The following VDR variants were observed in gnomAD, a reference collection of about 807,000 sequenced individuals.
The protein encoded by VDR is vitamin D receptor, also known as vitamin D3 receptor.
In VDR, 19 loss-of-function variants were observed where a neutral mutation model predicts 39.7. That is an observed-to-expected ratio of 0.48 (90% CI 0.33 to 0.70). The LOEUF is 0.70. Among genes scored for constraint, VDR ranks in the 30% least tolerant of loss-of-function variants. VDR has a pLI of 0.02. For synonymous variants in VDR, 242 were observed against 215.8 expected (o/e 1.12, Z -1.07); for missense variants, 442 against 570.5 (o/e 0.77, Z 2.29).
chr12:47,881,831 G>A (rs778346112), intron 2 of VDR, among the ~76,000 whole-genome samples: 2 of 152,116 alleles, frequency 1.3e-5, no homozygotes, highest in African/African-American at 4.8e-5. Flanking sequence ...CCAGCATCCC[G>A]GAGGCCCAAT....
At chr12:47,876,953 T>TG (rs1565626244) in intron 3 of VDR, among the ~76,000 whole-genome samples, 1 of 152,194 alleles carries the variant, frequency 6.6e-6, no homozygotes, top group Non-Finnish European at 1.5e-5. Flanking sequence ...AGAGTGGATT[T>TG]GGGGGTAGAG....
At chr12:47,871,458 CTT>C (rs1238348020) in intron 3 of VDR, among the ~76,000 whole-genome samples, 1 of 131,916 alleles carries the variant, frequency 7.6e-6, no homozygotes, top group Non-Finnish European at 1.6e-5. Flanking sequence ...TCTTTTCTCT[CTT>C]TCTTTCTTTT....
At position 47,857,753 on chromosome 12, in the gene VDR, C is replaced by T. The variant is rs540639036; in HGVS notation, c.278-65G>A. The T allele has an allele frequency of 2.3e-5, 36 of 1,571,276 alleles. No individual in the cohort carries two copies. The African/African-American group carries it at 3.0e-4, about 13-fold the overall frequency. ...GCTCCTCCAGGAAACCTTCCTCCTG[C>T]GGTTGGGGGTAAAGGTCCAAGATAG... is the stretch of plus-strand genomic sequence containing the variant. On this transcript the variant is annotated intron_variant, in intron 4 of 9. Coordinates refer to ENST00000549336, the MANE Select transcript of VDR (RefSeq NM_000376.3).
chr12:47,904,380 T>TCCTCTGAA (rs1946627102), intron 1 of VDR, among the ~76,000 whole-genome samples: 1 of 149,172 alleles, frequency 6.7e-6, no homozygotes, highest in Admixed American at 6.7e-5. Context: ...GCCCCTGAGT[T>TCCTCTGAA]CCTCTGAACA....
intron 7 of VDR, among the ~76,000 whole-genome samples, chr12:47,849,738 T>C (rs1375653872): frequency 1.3e-5 from 2 of 152,216 alleles, no homozygotes; most frequent in Non-Finnish European, 2.9e-5. Context: ...AAGTAAAACA[T>C]ACTCATTATC....
chr12:47,866,398 G>T (rs374616435), intron 3 of VDR, among the ~76,000 whole-genome samples: 1 of 152,202 alleles, frequency 6.6e-6, no homozygotes, highest in African/African-American at 2.4e-5. Flanking sequence ...CCTGGCCGAA[G>T]AAACCTTTTT....
At chr12:47,855,596 ACT>A (rs1404299743) in intron 7 of VDR, 32 bp downstream of exon 7, 6 of 1,612,518 alleles carry the variant, frequency 3.7e-6, no homozygotes, top group South Asian at 1.1e-5. Flanking sequence ...TAGGACTCTG[ACT>A]CTGTTCCCCA....
intron 3 of VDR, among the ~76,000 whole-genome samples, chr12:47,878,597 T>G (rs1172263249): frequency 1.3e-5 from 2 of 152,208 alleles, no homozygotes; most frequent in African/African-American, 4.8e-5. Flanking sequence ...TCTTGGGCTT[T>G]CCCCAAAGAC....
intron 7 of VDR, among the ~76,000 whole-genome samples, chr12:47,851,213 A>G (rs1004312976): frequency 3.3e-5 from 5 of 152,096 alleles, no homozygotes; most frequent in African/African-American, 1.2e-4. Flanking sequence ...CTTGTCAGTG[A>G]AGCCTGGGGG....
intron 1 of VDR, among the ~76,000 whole-genome samples, chr12:47,885,422 G>T (rs1274193028): frequency 6.6e-6 from 1 of 152,252 alleles, no homozygotes; most frequent in African/African-American, 2.4e-5. Context: ...CCATCTTGCG[G>T]CAGCTTCTGT....
chr12:47,856,081 G>C (rs1054485407), intron 6 of VDR, among the ~76,000 whole-genome samples: 30 of 152,216 alleles, frequency 2.0e-4, no homozygotes, highest in Admixed American at 1.6e-3. Flanking sequence ...AATCAAGAAA[G>C]AATTTGGGAC....
At chr12:47,863,051 G>A (rs551939686) in intron 4 of VDR, among the ~76,000 whole-genome samples, 4 of 152,328 alleles carry the variant, frequency 2.6e-5, no homozygotes, top group East Asian at 1.9e-4. Context: ...TGGGGTGGGC[G>A]TGGCTGAGGG....
intron 1 of VDR, among the ~76,000 whole-genome samples, chr12:47,888,990 T>C (rs1946311962): frequency 6.6e-6 from 1 of 152,292 alleles, no homozygotes; most frequent in Non-Finnish European, 1.5e-5. Flanking sequence ...CTGCACATTG[T>C]GTACCCATAT....
intron 1 of VDR, among the ~76,000 whole-genome samples, chr12:47,886,106 A>G (rs1946248102): frequency 6.6e-6 from 1 of 152,260 alleles, no homozygotes; most frequent in African/African-American, 2.4e-5. Flanking sequence ...TTCTAGAAAG[A>G]AATGGAAAGC....
At position 47,846,242 on chromosome 12, in the gene VDR, C is replaced by T. The variant is rs1945276613; in HGVS notation, c.1024+93G>A. 10 of 1,059,564 alleles carry T rather than the reference C, an allele frequency of 9.4e-6. No homozygotes were observed. The East Asian group carries it at 2.5e-4, about 26-fold the overall frequency. 65.6% of individuals were successfully genotyped at this position (1,059,564 alleles called of 1,614,324 possible). ...TCTGTGTCTCCTTTTGCTACGTCTC[C>T]CTTCAGGTTGCCCAGCTGGCCCTCA... On this transcript the variant is annotated intron_variant, in intron 9 of 9. Coordinates refer to ENST00000549336, the MANE Select transcript of VDR (RefSeq NM_000376.3).
chr12:47,854,942 C>T (rs1945452640), intron 7 of VDR, among the ~76,000 whole-genome samples: 1 of 152,264 alleles, frequency 6.6e-6, no homozygotes, highest in African/African-American at 2.4e-5. Context: ...CCCGTAATCC[C>T]AGCACTTTGG....
intron 3 of VDR, among the ~76,000 whole-genome samples, chr12:47,871,569 T>C (rs894064322): frequency 6.6e-6 from 1 of 151,778 alleles, no homozygotes; most frequent in Admixed American, 6.6e-5. Context: ...GTTCAATCGA[T>C]TCTCTTGCTT....
intron 3 of VDR, among the ~76,000 whole-genome samples, chr12:47,865,800 C>T (rs965071877): frequency 7.3e-5 from 11 of 151,478 alleles, no homozygotes; most frequent in African/African-American, 2.4e-4. Context: ...GCAAGCTCCA[C>T]CTCCCGGGTT....
At chr12:47,877,120 T>C (rs538974154) in intron 3 of VDR, among the ~76,000 whole-genome samples, 28 of 152,286 alleles carry the variant, frequency 1.8e-4, no homozygotes, top group African/African-American at 6.7e-4. Context: ...ACATGGTGGC[T>C]CATGCCTATA....
Sources: allele counts gnomAD v4.1 joint callset (sites outside exome capture counted in the v4.1 genomes callset), GRCh38; gene constraint gnomAD v4.1.1; transcripts MANE v1.5; gene names NCBI Gene and HGNC (gene_info 2026-07-23, HGNC 2026-07-21).